Variants in GANC observed in about 807,000 individuals in gnomAD.
GANC encodes the protein neutral alpha-glucosidase C.
GANC carries 117 observed loss-of-function variants against 124.2 expected under a neutral mutation model. The observed-to-expected ratio is 0.94, with a 90% confidence interval of 0.81 to 1.10. The LOEUF is 1.10. Among genes scored for constraint, GANC ranks in the 50% least tolerant of loss-of-function variants. The pLI, the probability that GANC is intolerant of heterozygous loss-of-function variation, is 0.00. For missense variants in GANC, 1,140 were observed against 1,095.0 expected (o/e 1.04, Z -0.58); for synonymous variants, 377 against 376.8 (o/e 1.00, Z -0.01).
At chr15:42,277,144 C>G (rs2051679083) in intron 2 of GANC, among the ~76,000 whole-genome samples, 1 of 152,172 alleles carries the variant, frequency 6.6e-6, no homozygotes, top group South Asian at 2.1e-4. Flanking sequence ...AGTGAGATTA[C>G]TGGGTCAAAG....
intron 15 of GANC, among the ~76,000 whole-genome samples, chr15:42,330,897 C>T (rs1239739511): frequency 6.6e-6 from 1 of 151,684 alleles, no homozygotes; most frequent in Non-Finnish European, 1.5e-5. Flanking sequence ...AAGCAATCCT[C>T]CCACCGAAGC....
chr15:42,339,555 A>G (rs967950014), intron 16 of GANC, 114 bp from the exon 17 acceptor site: 1 of 1,250,742 alleles, frequency 8.0e-7, no homozygotes, highest in Non-Finnish European at 1.1e-6. Context: ...TTATCCTGTC[A>G]TTTGAAGTGC....
intron 10 of GANC, among the ~76,000 whole-genome samples, chr15:42,320,198 A>C (rs1248558218): frequency 1.1e-4 from 3 of 26,400 alleles, no homozygotes; most frequent in Non-Finnish European, 7.8e-4. Flanking sequence ...TAAATTAATT[A>C]ATTAATTTTA....
At chr15:42,299,233 G>A (rs541640810) in intron 6 of GANC, among the ~76,000 whole-genome samples, 1 of 152,276 alleles carries the variant, frequency 6.6e-6, no homozygotes, top group East Asian at 1.9e-4. Flanking sequence ...TTTGAGATAT[G>A]TTCCATCAAT....
At chr15:42,339,547 A>T in intron 16 of GANC, 122 bp from the exon 17 acceptor site, 1 of 1,180,520 alleles carries the variant, frequency 8.5e-7, no homozygotes. Flanking sequence ...CCACGGCTTT[A>T]TCCTGTCATT....
At chr15:42,282,610 C>G (rs1423485282) in intron 3 of GANC, among the ~76,000 whole-genome samples, 3 of 152,134 alleles carry the variant, frequency 2.0e-5, no homozygotes, top group Non-Finnish European at 4.4e-5. Flanking sequence ...TGCCCCTACA[C>G]CTTTAAAACC....
chr15:42,282,099 G>C (rs1267729589), intron 3 of GANC, among the ~76,000 whole-genome samples: 1 of 152,174 alleles, frequency 6.6e-6, no homozygotes, highest in East Asian at 1.9e-4. Flanking sequence ...GAGGCGGGCA[G>C]ATCACGAGGT....
In GANC at chr15:42,341,024, A is replaced by G. The variant is rs561190662; in HGVS notation, c.2152+270A>G. On this transcript the variant is annotated intron_variant, in intron 18 of 23. Transcript: ENST00000318010. ...CATGATCCACCCACCTTGGCCTCCC[A>G]AAGTGCTGGGATTACAGGCGTGAGC... Among the ~76,000 whole-genome samples the G allele has an allele frequency of 2.0e-5, 3 of 151,578 alleles. No homozygotes were observed. In the South Asian group the frequency reaches 6.3e-4, roughly 32 times the overall value.
At chr15:42,304,001 A>G (rs1446644566) in intron 6 of GANC, among the ~76,000 whole-genome samples, 3 of 152,188 alleles carry the variant, frequency 2.0e-5, no homozygotes, top group African/African-American at 7.2e-5. Context: ...TGGACCAAGC[A>G]GACCTAATAA....
Position 42,339,730 on chromosome 15 carries a change from T to TACCAGCCC in GANC, c.1905_1906insACCAGCCC (p.Gly636ThrfsTer16), listed in dbSNP as rs2052314820. 6.2e-7 allele frequency: 1 copy of TACCAGCCC among 1,613,988 alleles called. No individual in the cohort carries two copies. ...AGCTGCTAGTGCGTTGGTACCAGGC[T>TACCAGCCC]GGAGCCTACCAGCCCTTCTTCCGTG... On this transcript the variant is annotated frameshift_variant, in exon 17 of 24. Transcript: ENST00000318010. LOFTEE classifies it high-confidence loss of function.
rs746439605 is a variant in GANC at position 42,329,326 on chromosome 15, C to T, written c.1521C>T (p.Phe507=). 6.2e-7 allele frequency: 1 copy of T among 1,613,752 alleles called. No homozygotes were observed. The highest frequency in any genetic ancestry group is 1.1e-5 in the South Asian group (1 of 91,028). Residue 507 remains phenylalanine (F), a synonymous_variant, in exon 14 of 24, where the codon TTC becomes TTT. Coordinates refer to ENST00000318010, the MANE Select transcript of GANC (RefSeq NM_198141.3). ...CCTAGGGATCTACGGACATCCTCTTCCTTTGGAATGACATGAATGAGCCTT... is the reference window on the plus strand; with the variant it reads ...CCTAGGGATCTACGGACATCCTCTTTCTTTGGAATGACATGAATGAGCCTT... The part of the protein sequence containing the change: ...PVYQGSTDIL[F]LWNDMNEPSV...
At chr15:42,338,304 G>A in intron 15 of GANC, 85 bp from the exon 16 acceptor site, 1 of 777,268 alleles carries the variant, frequency 1.3e-6, no homozygotes, top group Non-Finnish European at 2.0e-6. Flanking sequence ...TCATTAAGTT[G>A]TCTTTTACAA....
intron 8 of GANC, among the ~76,000 whole-genome samples, chr15:42,309,946 A>C (rs924567740): frequency 6.6e-6 from 1 of 152,198 alleles, no homozygotes; most frequent in South Asian, 2.1e-4. Context: ...CTGACCCTGG[A>C]AGGTAGAGTT....
chr15:42,296,826 A>T (rs1033393809), intron 5 of GANC, among the ~76,000 whole-genome samples: 1 of 147,816 alleles, frequency 6.8e-6, no homozygotes, highest in Admixed American at 6.8e-5. Flanking sequence ...TGTATTTTTC[A>T]CTCAAATATT....
chr15:42,328,532 C>T (rs1243414343), intron 13 of GANC, among the ~76,000 whole-genome samples: 2 of 150,844 alleles, frequency 1.3e-5, no homozygotes, highest in African/African-American at 2.4e-5. Context: ...CAAGCCACCT[C>T]CAGGAATTTG....
chr15:42,275,290 C>T (rs563476586), intron 1 of GANC, among the ~76,000 whole-genome samples: 2 of 152,238 alleles, frequency 1.3e-5, no homozygotes, highest in East Asian at 3.9e-4. Flanking sequence ...AGGAAGATAG[C>T]CTGAGCCCAG....
In GANC at chr15:42,347,749, T is replaced by TG. The variant is rs1453656580; in HGVS notation, c.2305-354_2305-353insG. On this transcript the variant is annotated intron_variant, in intron 20 of 23. Coordinates refer to ENST00000318010, the MANE Select transcript of GANC (RefSeq NM_198141.3). ...AGGGTTCTGGAAATAAGCATGTATA[T>TG]ACTACACTGATAGGAAAATTTAAAA... is the stretch of plus-strand genomic sequence containing the variant. Among the ~76,000 whole-genome samples the TG allele has an allele frequency of 5.9e-5, 9 of 152,282 alleles. No homozygotes were observed. The South Asian group carries it at 1.9e-3, about 32-fold the overall frequency.
rs755949366 is a variant in GANC at position 42,273,602 on chromosome 15, T to C, written c.-880T>C. On this transcript the variant is annotated 5_prime_UTR_variant, in exon 1 of 24. Coordinates refer to ENST00000318010, the MANE Select transcript of GANC (RefSeq NM_198141.3). ...GACCTACTGCGCAGGCGTCATCCTG[T>C]TGGAACCTGGTCAGCTGGGTTAGAG... The C allele has an allele frequency of 4.8e-6, 4 of 830,480 alleles. No homozygotes were observed. The highest frequency in any genetic ancestry group is 7.3e-6 in the Non-Finnish European group (4 of 549,258). The allele number at this position is 830,480 out of a possible 1,614,324, so 51.4% of individuals were successfully genotyped here.
At chr15:42,325,417 T>C (rs193116990) in intron 11 of GANC, among the ~76,000 whole-genome samples, 11 of 152,310 alleles carry the variant, frequency 7.2e-5, no homozygotes, top group Admixed American at 2.0e-4. Flanking sequence ...GGCCCTAGAC[T>C]GGTGGAAGTG....
Sources: allele counts gnomAD v4.1 joint callset (sites outside exome capture counted in the v4.1 genomes callset), GRCh38; gene constraint gnomAD v4.1.1; transcripts MANE v1.5; gene names NCBI Gene and HGNC (gene_info 2026-07-23, HGNC 2026-07-21).